PBX1: variants seen among roughly 807,000 people sequenced by gnomAD.
The protein encoded by PBX1 is PBX homeobox 1.
In PBX1, 6 loss-of-function variants were observed where a neutral mutation model predicts 53.4. The ratio of observed to expected loss-of-function variants is 0.11; its 90% CI spans 0.06 to 0.22. The LOEUF (loss-of-function observed/expected upper bound fraction) is 0.22, where lower values mean the gene tolerates loss of function less well. Ranked by LOEUF, PBX1 falls within the 10% of genes least tolerant of loss-of-function variation. PBX1 has a pLI of 1.00. For missense variants in PBX1, 251 were observed against 551.4 expected (o/e 0.46, Z 5.46); for synonymous variants, 204 against 212.3 (o/e 0.96, Z 0.34).
Position 164,603,929 on chromosome 1 carries a change from A to ATTTTTTTTTTTTTTTTTTTTTTTTTTTT in PBX1, c.265+40624_265+40651dup, listed in dbSNP as rs71583414. ...GACACTCTGTACATTATGTCATTTC[A>ATTTTTTTTTTTTTTTTTTTTTTTTTTTT]TTTTTTTTTTTTTTTTTTTTTTTTT... On this transcript the variant is annotated intron_variant, in intron 2 of 8. Coordinates refer to ENST00000420696, the MANE Select transcript of PBX1 (RefSeq NM_002585.4). Among the ~76,000 whole-genome samples the ATTTTTTTTTTTTTTTTTTTTTTTTTTTT allele has an allele frequency of 9.2e-5, 7 of 75,760 alleles. 3 individuals are homozygous for ATTTTTTTTTTTTTTTTTTTTTTTTTTTT. The highest frequency in any genetic ancestry group is 1.9e-4 in the African/African-American group (3 of 16,214). 49.7% of individuals were successfully genotyped at this position (75,760 alleles called of 152,430 possible). A position where few individuals can be genotyped will look rare whatever the true frequency, so the allele number is the denominator to read the frequency against.
At chr1:164,769,657 G>C (rs1413112343) in intron 2 of PBX1, among the ~76,000 whole-genome samples, 1 of 152,174 alleles carries the variant, frequency 6.6e-6, no homozygotes, top group Non-Finnish European at 1.5e-5. Flanking sequence ...TGTGGACCTT[G>C]AGCCAACTTT....
intron 2 of PBX1, among the ~76,000 whole-genome samples, chr1:164,688,146 C>T (rs1009779393): frequency 6.6e-6 from 1 of 152,142 alleles, no homozygotes; most frequent in Non-Finnish European, 1.5e-5. Flanking sequence ...ATCTTTTCAT[C>T]GTCATTTTCT....
At chr1:164,560,997 G>T (rs1033089152) in intron 1 of PBX1, among the ~76,000 whole-genome samples, 3 of 152,130 alleles carry the variant, frequency 2.0e-5, no homozygotes, top group Non-Finnish European at 4.4e-5. Context: ...TCTACTTCAG[G>T]ATTTTACAGT....
At chr1:164,795,022 T>G (rs147291140) in intron 3 of PBX1, among the ~76,000 whole-genome samples, 75 of 152,296 alleles carry the variant, frequency 4.9e-4, no homozygotes, top group African/African-American at 1.8e-3. Context: ...TGAGTAAAAA[T>G]TATGACAGCC....
At chr1:164,646,849 T>C (rs1659482119) in intron 2 of PBX1, among the ~76,000 whole-genome samples, 2 of 152,164 alleles carry the variant, frequency 1.3e-5, no homozygotes, top group South Asian at 4.1e-4. Context: ...TTTTTAGGGG[T>C]CAGGATGTGT....
chr1:164,570,595 T>C, intron 2 of PBX1, among the ~76,000 whole-genome samples: 1 of 152,250 alleles, frequency 6.6e-6, no homozygotes, highest in Non-Finnish European at 1.5e-5. Flanking sequence ...ATTTTCTTTA[T>C]GCAGTCTATC....
At chr1:164,863,700 C>G (rs891354577) in intron 2 of PBX1, among the ~76,000 whole-genome samples, 12 of 152,122 alleles carry the variant, frequency 7.9e-5, no homozygotes, top group African/African-American at 2.9e-4. Flanking sequence ...GAGTCCTAGG[C>G]AGAAGGCAGA....
intron 2 of PBX1, among the ~76,000 whole-genome samples, chr1:164,738,188 C>A (rs1180579402): frequency 6.6e-6 from 1 of 152,112 alleles, no homozygotes; most frequent in East Asian, 1.9e-4. Context: ...GTTTGGGGTT[C>A]TTAAGAATAA....
chr1:164,667,329 G>A (rs889733615), intron 2 of PBX1, among the ~76,000 whole-genome samples: 1 of 151,208 alleles, frequency 6.6e-6, no homozygotes, highest in East Asian at 1.9e-4. Flanking sequence ...TTTATAATCA[G>A]AAATATATAT....
At chr1:164,607,233 T>A (rs1656618412) in intron 2 of PBX1, among the ~76,000 whole-genome samples, 1 of 152,126 alleles carries the variant, frequency 6.6e-6, no homozygotes, top group African/African-American at 2.4e-5. Context: ...AAGGTAATTT[T>A]GGTGTCTCTG....
intron 2 of PBX1, among the ~76,000 whole-genome samples, chr1:164,780,464 A>C (rs1036430932): frequency 1.1e-4 from 16 of 152,306 alleles, no homozygotes; most frequent in African/African-American, 3.1e-4. Context: ...CTCGCACTCA[A>C]GTTCAAGAAA....
chr1:164,561,684 T>C (rs1029216495), intron 1 of PBX1, among the ~76,000 whole-genome samples: 3 of 152,186 alleles, frequency 2.0e-5, no homozygotes, highest in Admixed American at 2.0e-4. Flanking sequence ...TCTCTTCTTT[T>C]GTGAAACTGT....
At chr1:164,689,553 T>A (rs950731694) in intron 2 of PBX1, among the ~76,000 whole-genome samples, 4 of 152,156 alleles carry the variant, frequency 2.6e-5, no homozygotes, top group African/African-American at 7.2e-5. Context: ...TTTTTAATCC[T>A]CCATAGCTAT....
intron 2 of PBX1, among the ~76,000 whole-genome samples, chr1:164,593,566 G>A (rs1293737869): frequency 6.6e-6 from 1 of 152,100 alleles, no homozygotes; most frequent in Non-Finnish European, 1.5e-5. Flanking sequence ...GTAAGCCTCT[G>A]TTTTGTTTTC....
chr1:164,841,021 G>A (rs963980872), intron 8 of PBX1, among the ~76,000 whole-genome samples: 2 of 152,138 alleles, frequency 1.3e-5, no homozygotes, highest in African/African-American at 2.4e-5. Context: ...GGGCACTGTG[G>A]TGGGCACTTT....
chr1:164,639,527 T>C (rs1658990492), intron 2 of PBX1: 1 of 152,256 alleles, frequency 6.6e-6, no homozygotes, highest in Non-Finnish European at 1.5e-5. Context: ...TTTGGAACCC[T>C]GGAGACCATT....
At position 164,870,272 on chromosome 1, in the gene PBX1, T is replaced by C. The variant is rs1486104569; in HGVS notation, n.258-28916T>C. Reference sequence around the variant, plus strand: ...TTCCTTCCTTCCTTCCTTCCTTCTTTCTTTCTTTCTTTCTTTCTTTCTTTC... The same window carrying C: ...TTCCTTCCTTCCTTCCTTCCTTCTTCCTTTCTTTCTTTCTTTCTTTCTTTC... On this transcript the variant is annotated intron_variant and non_coding_transcript_variant, in intron 2 of 2. Transcript: ENST00000558796. 1.3e-3 allele frequency among the ~76,000 whole-genome samples: 21 copies of C among 16,480 alleles called. 1 individual carries two copies. In the South Asian group the frequency reaches 0.026, roughly 21 times the overall value. 10.8% of individuals were successfully genotyped at this position (16,480 alleles called of 152,430 possible).
rs996475074 is a variant in PBX1, at chr1:164,598,857, G to A, written c.265+35546G>A. Among the ~76,000 whole-genome samples, 11 of 152,088 alleles carry A rather than the reference G, an allele frequency of 7.2e-5. No individual in the cohort carries two copies. The East Asian group carries it at 7.7e-4, about 11-fold the overall frequency. On this transcript the variant is annotated intron_variant, in intron 2 of 8. Transcript: ENST00000420696. ...TTAGATTTGACCTTTAAAACTACCC[G>A]GAGGTAGGAAGGGGAGGGATCATTA...
chr1:164,642,438 T>C (rs1489123507), intron 2 of PBX1, among the ~76,000 whole-genome samples: 2 of 152,250 alleles, frequency 1.3e-5, no homozygotes, highest in African/African-American at 2.4e-5. Context: ...CATTTTCATA[T>C]GGAGAAGCAT....
Sources: gnomAD v4.1 joint callset for allele counts (sites outside exome capture counted in the v4.1 genomes callset) on GRCh38, gnomAD v4.1.1 for gene constraint, MANE v1.5 for transcripts, NCBI Gene and HGNC (gene_info 2026-07-23, HGNC 2026-07-21) for gene names.